DPP10: variants seen among roughly 807,000 people sequenced by gnomAD.
DPP10 encodes inactive dipeptidyl peptidase 10.
Under a neutral mutation model 120.9 loss-of-function variants are expected in DPP10, and 33 were observed. The ratio of observed to expected loss-of-function variants is 0.27; its 90% confidence interval spans 0.21 to 0.37. The LOEUF (loss-of-function observed/expected upper bound fraction) is 0.37, where lower values mean the gene tolerates loss of function less well. DPP10 is among the 10% of genes least tolerant of loss of function. The pLI is 1.00. For missense variants in DPP10, 816 were observed against 942.8 expected, an observed-to-expected ratio of 0.87 and a Z score of 1.76; for synonymous variants, 337 against 326.1, an observed-to-expected ratio of 1.03 and a Z score of -0.36.
At chr2:114,609,892 C>A (rs1274503609) in intron 1 of DPP10, among the ~76,000 whole-genome samples, 7 of 152,156 alleles carry the variant, frequency 4.6e-5, no homozygotes, top group African/African-American at 1.7e-4. Context: ...GGAAAGCAAC[C>A]AGTGAAGCCA....
At chr2:115,463,395 T>C (rs2074111474) in intron 3 of DPP10, among the ~76,000 whole-genome samples, 1 of 152,156 alleles carries the variant, frequency 6.6e-6, no homozygotes, top group African/African-American at 2.4e-5. Context: ...ATGTGTATAG[T>C]TTTAACATCA....
intron 17 of DPP10, among the ~76,000 whole-genome samples, chr2:115,784,066 G>A (rs1683071168): frequency 6.6e-6 from 1 of 152,042 alleles, no homozygotes; most frequent in Non-Finnish European, 1.5e-5. Context: ...AACTTCTGCT[G>A]CAAATTACAA....
chr2:115,407,623 C>T (rs1028558413), intron 3 of DPP10, among the ~76,000 whole-genome samples: 2 of 151,894 alleles, frequency 1.3e-5, no homozygotes, highest in African/African-American at 4.8e-5. Context: ...CTCAAAAACC[C>T]GAGGTCTTTT....
intron 1 of DPP10, among the ~76,000 whole-genome samples, chr2:114,956,407 T>A (rs186998782): frequency 9.3e-5 from 14 of 151,186 alleles, no homozygotes; most frequent in Admixed American, 8.6e-4. Flanking sequence ...GAAAAATATG[T>A]GTATTGAAAC....
intron 1 of DPP10, among the ~76,000 whole-genome samples, chr2:115,282,984 A>T (rs1335564252): frequency 2.6e-5 from 4 of 152,026 alleles, no homozygotes; most frequent in Non-Finnish European, 5.9e-5. Context: ...ACTTCTATGT[A>T]TATTTAGAAT....
intron 1 of DPP10, among the ~76,000 whole-genome samples, chr2:115,062,319 T>C (rs1234664867): frequency 6.6e-6 from 1 of 152,222 alleles, no homozygotes; most frequent in Non-Finnish European, 1.5e-5. Context: ...TTCCATGAGC[T>C]TAATTTTGTA....
chr2:115,318,588 T>A (rs2061911275), intron 2 of DPP10, among the ~76,000 whole-genome samples: 1 of 152,108 alleles, frequency 6.6e-6, no homozygotes, highest in Non-Finnish European at 1.5e-5. Context: ...ATAATTTAAA[T>A]AAAACAAAAA....
chr2:115,542,858 C>T (rs1157698285), intron 5 of DPP10, among the ~76,000 whole-genome samples: 1 of 151,872 alleles, frequency 6.6e-6, no homozygotes, highest in Admixed American at 6.6e-5. Context: ...AGAATTATCC[C>T]TTCCCTACGT....
At chr2:115,458,454 G>C (rs1286927060) in intron 3 of DPP10, among the ~76,000 whole-genome samples, 3 of 152,088 alleles carry the variant, frequency 2.0e-5, no homozygotes, top group Non-Finnish European at 2.9e-5. Flanking sequence ...AAAAGAAAAA[G>C]ACATGTAGAA....
chr2:115,196,347 C>T (rs2105264370), intron 1 of DPP10, among the ~76,000 whole-genome samples: 1 of 152,294 alleles, frequency 6.6e-6, no homozygotes, highest in Non-Finnish European at 1.5e-5. Context: ...CCTGCTTCTC[C>T]TAACTGGGTG....
intron 1 of DPP10, among the ~76,000 whole-genome samples, chr2:114,966,023 G>A (rs999817030): frequency 2.1e-5 from 3 of 144,442 alleles, no homozygotes; most frequent in African/African-American, 5.1e-5. Context: ...AGAGGAACAA[G>A]CAAAGAAAAC....
chr2:115,728,321 C>G (rs1399496275), intron 8 of DPP10, among the ~76,000 whole-genome samples: 5 of 150,852 alleles, frequency 3.3e-5, no homozygotes. Flanking sequence ...TAAAAAGCCA[C>G]CTGATTTTAG....
intron 3 of DPP10, among the ~76,000 whole-genome samples, chr2:115,381,809 GC>G (rs2066389335): frequency 6.6e-6 from 1 of 151,392 alleles, no homozygotes; most frequent in Non-Finnish European, 1.5e-5. Flanking sequence ...GGAGTACCCG[GC>G]CCTGTGAAGT....
chr2:115,294,270 G>A (rs1362868302), intron 1 of DPP10, among the ~76,000 whole-genome samples: 1 of 152,074 alleles, frequency 6.6e-6, no homozygotes, highest in Non-Finnish European at 1.5e-5. Flanking sequence ...GTTGACCTAG[G>A]AGGGAAATAT....
chr2:115,597,025 GCTTA>G (rs1369929550), intron 5 of DPP10, among the ~76,000 whole-genome samples: 6 of 152,098 alleles, frequency 3.9e-5, no homozygotes, highest in Non-Finnish European at 5.9e-5. Flanking sequence ...AGTTTTTAGG[GCTTA>G]CTATTTAACT....
chr2:114,630,801 G>C (rs1422020199), intron 1 of DPP10, among the ~76,000 whole-genome samples: 1 of 152,154 alleles, frequency 6.6e-6, no homozygotes, highest in East Asian at 1.9e-4. Context: ...TAAGGATACT[G>C]TGTGCCCCCA....
At chr2:114,963,938 A>G (rs1165669853) in intron 1 of DPP10, among the ~76,000 whole-genome samples, 1 of 152,198 alleles carries the variant, frequency 6.6e-6, no homozygotes, top group Non-Finnish European at 1.5e-5. Flanking sequence ...AGAAGATGAA[A>G]GATTTTATAA....
At chr2:115,754,571 T>G (rs1679163156) in intron 11 of DPP10, among the ~76,000 whole-genome samples, 1 of 152,144 alleles carries the variant, frequency 6.6e-6, no homozygotes, top group Non-Finnish European at 1.5e-5. Flanking sequence ...CACTGTAAGG[T>G]ATCAAGTTCA....
rs1268973138 is a variant in DPP10 at position 114,498,964 on chromosome 2, C to T, written c.60+56126C>T. Among the ~76,000 whole-genome samples the T allele has an allele frequency of 3.9e-5, 6 of 152,104 alleles. No individual in the cohort carries two copies. In the East Asian group the frequency reaches 5.8e-4, roughly 15 times the overall value. Reference sequence around the variant, plus strand: ...ATACATATGCAATGGAATACTATTCCGCTTTAAAGAATAAGAAAATCTATT... The same window carrying T: ...ATACATATGCAATGGAATACTATTCTGCTTTAAAGAATAAGAAAATCTATT... On this transcript the variant is annotated intron_variant, in intron 1 of 25. Transcript: ENST00000410059.
Sources: gnomAD v4.1 joint callset for allele counts (sites outside exome capture counted in the v4.1 genomes callset) on GRCh38, gnomAD v4.1.1 for gene constraint, MANE v1.5 for transcripts, NCBI Gene and HGNC (gene_info 2026-07-23, HGNC 2026-07-21) for gene names.